The following VWA3B variants were observed in gnomAD, a reference collection of about 807,000 sequenced individuals.
VWA3B encodes the protein von Willebrand factor A domain-containing protein 3B.
A neutral mutation model predicts 158.3 loss-of-function variants in VWA3B; 138 were observed. The ratio of observed to expected loss-of-function variants is 0.87; its 90% CI spans 0.76 to 1.00. The LOEUF is 1.00. Among genes scored for constraint, VWA3B ranks in the 50% least tolerant of loss-of-function variants. The pLI is 0.00. For synonymous variants in VWA3B, 596 were observed against 587.3 expected (o/e 1.01, Z -0.21); for missense variants, 1,555 against 1,565.1 (o/e 0.99, Z 0.11).
At chr2:98,115,839 C>A in intron 3 of VWA3B, 93 bp downstream of exon 3, 2 of 1,056,246 alleles carry the variant, frequency 1.9e-6, no homozygotes, top group Non-Finnish European at 2.8e-6. Context: ...TGCTGCTTGG[C>A]AGGGATGCAG....
chr2:98,306,777 T>G (rs971177639), intron 26 of VWA3B, among the ~76,000 whole-genome samples: 3 of 152,238 alleles, frequency 2.0e-5, no homozygotes, highest in Non-Finnish European at 4.4e-5. Context: ...TTTAAAGCTC[T>G]TCACTGTGAA....
intron 20 of VWA3B, among the ~76,000 whole-genome samples, chr2:98,253,271 C>T (rs761446676): frequency 3.3e-5 from 5 of 152,072 alleles, no homozygotes; most frequent in Non-Finnish European, 7.4e-5. Context: ...CAAAGATAAG[C>T]GAGATGTAAC....
chr2:98,302,760 C>T (rs1690275318), intron 25 of VWA3B, among the ~76,000 whole-genome samples: 1 of 152,152 alleles, frequency 6.6e-6, no homozygotes, highest in South Asian at 2.1e-4. Context: ...ACTACCATGC[C>T]CGGCTGCCTA....
intron 2 of VWA3B, among the ~76,000 whole-genome samples, chr2:98,096,705 T>C (rs920901167): frequency 1.7e-4 from 26 of 152,228 alleles, no homozygotes; most frequent in African/African-American, 4.8e-4. Flanking sequence ...AATTTGTTCA[T>C]GTGTAATTGT....
rs527945629 is a variant in VWA3B, at chr2:98,161,989, G to A, written c.989-862G>A. On this transcript the variant is annotated intron_variant, in intron 7 of 27. Coordinates refer to ENST00000477737, the MANE Select transcript of VWA3B (RefSeq NM_144992.5). Reference sequence around the variant, plus strand: ...CCCAAAGTTTTACAGGATTACAGGCGTATGCCACCGTGCCCAGCCTGCCCA... The same window carrying A: ...CCCAAAGTTTTACAGGATTACAGGCATATGCCACCGTGCCCAGCCTGCCCA... 9.1e-4 allele frequency among the ~76,000 whole-genome samples: 138 copies of A among 152,272 alleles called. 1 individual carries two copies. Among genetic ancestry groups the A allele is most frequent in the Middle Eastern group, 3.4e-3 (1 of 294 alleles).
chr2:98,317,406 G>C (rs1314381842), downstream of VWA3B, among the ~76,000 whole-genome samples: 2 of 152,194 alleles, frequency 1.3e-5, no homozygotes, highest in Non-Finnish European at 2.9e-5. Context: ...ACTGGTTCAG[G>C]CCCTGAGGGG....
chr2:98,321,466 C>T, the VWA3B span, among the ~76,000 whole-genome samples: 3 of 152,186 alleles, frequency 2.0e-5, no homozygotes, highest in African/African-American at 4.8e-5. Context: ...TAAAAGCAAC[C>T]AGAAATGGGG....
At chr2:98,186,483 G>T (rs1309446796) in intron 9 of VWA3B, among the ~76,000 whole-genome samples, 1 of 152,076 alleles carries the variant, frequency 6.6e-6, no homozygotes, top group Non-Finnish European at 1.5e-5. Context: ...TACATCAGAT[G>T]GTAAATCTCG....
At chr2:98,278,230 G>T (rs1688649985) in intron 22 of VWA3B, among the ~76,000 whole-genome samples, 1 of 152,196 alleles carries the variant, frequency 6.6e-6, no homozygotes. Flanking sequence ...CCCCTCTCGG[G>T]AGAGGGAGCA....
chr2:98,256,631 A>T (rs551358019), intron 21 of VWA3B, among the ~76,000 whole-genome samples: 27 of 152,168 alleles, frequency 1.8e-4, no homozygotes, highest in Admixed American at 2.0e-4. Context: ...CGCTATCATG[A>T]ACTATGTTGC....
rs1292634509 is a variant in VWA3B, at chr2:98,297,977, G to A, written c.3228G>A (p.Val1076=). Residue 1076 remains valine, a synonymous_variant, in exon 24 of 28, where the codon GTG becomes GTA. Transcript: ENST00000477737. The stretch of plus-strand genomic sequence containing the variant: ...TCAGTTACGGAGACACCAAGGTCGT[G>A]TCCACCTCCTTCATCACGCCTGTGG... ...VGFSYGDTKV[V]STSFITPVGG... 4 of 1,588,718 alleles carry A rather than the reference G, an allele frequency of 2.5e-6. No individual in the cohort carries two copies. In the African/African-American group the frequency reaches 4.1e-5, roughly 16 times the overall value.
At chr2:98,258,098 A>G (rs1336224181) in intron 21 of VWA3B, among the ~76,000 whole-genome samples, 1 of 151,820 alleles carries the variant, frequency 6.6e-6, no homozygotes, top group Non-Finnish European at 1.5e-5. Context: ...ATCCAGCACT[A>G]TTTGTTTAAG....
chr2:98,187,683 T>TGC (rs1344054329), intron 9 of VWA3B, among the ~76,000 whole-genome samples: 1 of 151,478 alleles, frequency 6.6e-6, no homozygotes, highest in Admixed American at 6.6e-5. Context: ...TGTGTGTGTG[T>TGC]GTGTGTGTGT....
intron 3 of VWA3B, among the ~76,000 whole-genome samples, chr2:98,117,838 G>A (rs574742395): frequency 1.1e-4 from 16 of 147,404 alleles, no homozygotes; most frequent in Non-Finnish European, 2.1e-4. Flanking sequence ...CGCCTCCTGC[G>A]TTCAAGCGAT....
intron 10 of VWA3B, among the ~76,000 whole-genome samples, chr2:98,191,299 A>G (rs961279461): frequency 6.6e-6 from 1 of 152,046 alleles, no homozygotes; most frequent in Non-Finnish European, 1.5e-5. Context: ...CACTAATTCT[A>G]TCATCTGTGT....
chr2:98,325,666 T>C, the VWA3B span, among the ~76,000 whole-genome samples: 1 of 152,194 alleles, frequency 6.6e-6, no homozygotes, highest in African/African-American at 2.4e-5. Context: ...TTAATATACA[T>C]ATAGTTATAA....
chr2:98,200,671 G>A (rs924370264), intron 12 of VWA3B, among the ~76,000 whole-genome samples: 2 of 152,008 alleles, frequency 1.3e-5, no homozygotes, highest in Non-Finnish European at 2.9e-5. Context: ...TTTTCACTGT[G>A]TATAAGTTTT....
chr2:98,216,581 T>C (rs1311362076), intron 13 of VWA3B, among the ~76,000 whole-genome samples: 2 of 152,142 alleles, frequency 1.3e-5, no homozygotes, highest in Non-Finnish European at 2.9e-5. Context: ...CTGATGTGTG[T>C]GGAGGAAGGC....
intron 1 of VWA3B, among the ~76,000 whole-genome samples, chr2:98,089,465 G>A (rs1682112533): frequency 6.6e-6 from 1 of 151,484 alleles, no homozygotes; most frequent in Non-Finnish European, 1.5e-5. Context: ...CTGCATAGGA[G>A]AGCCGTCTGA....
Sources: allele counts gnomAD v4.1 joint callset (sites outside exome capture counted in the v4.1 genomes callset), GRCh38; gene constraint gnomAD v4.1.1; transcripts MANE v1.5; gene names NCBI Gene and HGNC (gene_info 2026-07-23, HGNC 2026-07-21).